LRRTM4: variants seen among roughly 807,000 people sequenced by gnomAD.
LRRTM4 encodes leucine-rich repeat transmembrane neuronal protein 4.
In LRRTM4, 25 loss-of-function variants were observed where a neutral mutation model predicts 47.6. The observed-to-expected ratio is 0.53, with a 90% CI of 0.38 to 0.73. The LOEUF (loss-of-function observed/expected upper bound fraction) is 0.73, where lower values mean the gene tolerates loss of function less well. Ranked by LOEUF, LRRTM4 falls within the 30% of genes least tolerant of loss-of-function variation. The pLI is 0.00. For synonymous variants in LRRTM4, 311 were observed against 269.5 expected (o/e 1.15, Z -1.51); for missense variants, 638 against 713.4 (o/e 0.89, Z 1.20).
At chr2:77,065,040 C>G (rs947230464) in intron 3 of LRRTM4, among the ~76,000 whole-genome samples, 1 of 152,014 alleles carries the variant, frequency 6.6e-6, no homozygotes, top group African/African-American at 2.4e-5. Context: ...TTTAACATAT[C>G]GATTCAACAC....
intron 3 of LRRTM4, among the ~76,000 whole-genome samples, chr2:77,016,065 A>C (rs1189290178): frequency 1.3e-5 from 2 of 151,544 alleles, no homozygotes; most frequent in East Asian, 3.9e-4. Context: ...TGGGTGACAG[A>C]ATGAGATTCT....
chr2:76,775,210 T>A (rs75958575), intron 3 of LRRTM4, among the ~76,000 whole-genome samples: 11,286 of 152,246 alleles, frequency 0.074, 778 homozygotes, highest in East Asian at 0.28. Flanking sequence ...GCTTTTGCAA[T>A]TTTTTCTGTA....
intron 3 of LRRTM4, among the ~76,000 whole-genome samples, chr2:76,849,766 A>G (rs1430426565): frequency 6.6e-6 from 1 of 152,178 alleles, no homozygotes. Context: ...TGTATTTTAT[A>G]ATTAAAGGTT....
At chr2:76,877,736 A>C (rs575209397) in intron 3 of LRRTM4, among the ~76,000 whole-genome samples, 1 of 152,308 alleles carries the variant, frequency 6.6e-6, no homozygotes, top group Admixed American at 6.5e-5. Context: ...AATAAAAAGG[A>C]AACAACTGAG....
At chr2:77,213,709 G>GTGGA (rs1176596338) in intron 3 of LRRTM4, among the ~76,000 whole-genome samples, 1 of 152,152 alleles carries the variant, frequency 6.6e-6, no homozygotes, top group Non-Finnish European at 1.5e-5. Context: ...AGAAGTCCAT[G>GTGGA]TGGAGCTAAT....
chr2:76,942,345 G>C (rs1675174329), intron 3 of LRRTM4, among the ~76,000 whole-genome samples: 1 of 152,028 alleles, frequency 6.6e-6, no homozygotes, highest in Non-Finnish European at 1.5e-5. Flanking sequence ...GGCTTTTGTT[G>C]CAATTGATTT....
At chr2:76,979,226 T>C (rs750719759) in intron 3 of LRRTM4, among the ~76,000 whole-genome samples, 9 of 152,012 alleles carry the variant, frequency 5.9e-5, no homozygotes, top group Non-Finnish European at 1.3e-4. Context: ...TTTCAGGTCA[T>C]TGGAATTCTG....
intron 3 of LRRTM4, among the ~76,000 whole-genome samples, chr2:76,782,171 T>C (rs116613490): frequency 1.3e-5 from 2 of 152,210 alleles, no homozygotes; most frequent in Non-Finnish European, 2.9e-5. Flanking sequence ...TAAAATGGTA[T>C]TTTGCAACAC....
chr2:76,816,819 G>GTTTTTTTTTTTTTTTT (rs201525166), intron 3 of LRRTM4, among the ~76,000 whole-genome samples: 26 of 96,564 alleles, frequency 2.7e-4, no homozygotes, highest in Non-Finnish European at 3.8e-4. Flanking sequence ...GAGGTAAAGA[G>GTTTTTTTTTTTTTTTT]TTTTTTTTTT....
chr2:77,322,811 G>A (rs1677833101), intron 3 of LRRTM4, among the ~76,000 whole-genome samples: 1 of 149,034 alleles, frequency 6.7e-6, no homozygotes, highest in Non-Finnish European at 1.5e-5. Flanking sequence ...GGGTTGGGAT[G>A]TTGGAACTAC....
intron 3 of LRRTM4, among the ~76,000 whole-genome samples, chr2:77,190,407 G>C (rs1032671364): frequency 1.4e-5 from 2 of 147,458 alleles, no homozygotes; most frequent in Non-Finnish European, 3.0e-5. Context: ...CAATTCTCTT[G>C]CCTCAGCCTC....
intron 3 of LRRTM4, among the ~76,000 whole-genome samples, chr2:77,438,309 A>G (rs1371114961): frequency 6.6e-6 from 1 of 151,580 alleles, no homozygotes; most frequent in Admixed American, 6.6e-5. Flanking sequence ...TTTGAAAATC[A>G]TATTTTGTGA....
chr2:77,324,077 C>T (rs1345931970), intron 3 of LRRTM4, among the ~76,000 whole-genome samples: 1 of 152,096 alleles, frequency 6.6e-6, no homozygotes, highest in Non-Finnish European at 1.5e-5. Flanking sequence ...ATCACCACTA[C>T]CTCCAAACAG....
chr2:77,252,531 C>A (rs559775957), intron 3 of LRRTM4, among the ~76,000 whole-genome samples: 13 of 116,876 alleles, frequency 1.1e-4, no homozygotes, highest in Admixed American at 5.6e-4. Flanking sequence ...GCCTCTGAAT[C>A]AGAAAAGAAA....
chr2:76,780,379 C>T (rs1674302915), intron 3 of LRRTM4, among the ~76,000 whole-genome samples: 1 of 152,168 alleles, frequency 6.6e-6, no homozygotes, highest in African/African-American at 2.4e-5. Context: ...TCCATTCTCC[C>T]CATCACTTTC....
intron 3 of LRRTM4, among the ~76,000 whole-genome samples, chr2:76,858,718 T>C (rs1195491985): frequency 1.3e-5 from 2 of 152,214 alleles, no homozygotes; most frequent in African/African-American, 4.8e-5. Flanking sequence ...AATTTTGAAT[T>C]ATAGGAAGAT....
intron 3 of LRRTM4, among the ~76,000 whole-genome samples, chr2:77,052,218 C>T (rs115827973): frequency 0.017 from 2,081 of 124,888 alleles, 59 homozygotes; most frequent in African/African-American, 0.062. Flanking sequence ...GGCTGGAGTA[C>T]AGTGCAGTGG....
At chr2:77,010,859 CTGAT>C (rs1194947918) in intron 3 of LRRTM4, among the ~76,000 whole-genome samples, 4 of 152,080 alleles carry the variant, frequency 2.6e-5, no homozygotes, top group African/African-American at 9.7e-5. Flanking sequence ...TGAGTTGAGA[CTGAT>C]TGTGGTTAGG....
rs138848964 is a variant in LRRTM4 at position 77,347,103 on chromosome 2, A to G, written c.1551+171215T>C. The stretch of plus-strand genomic sequence containing the variant: ...ATGTTTATTCCTCAATTCTCTCTCT[A>G]CTGTCTCTGATTTGATAACACTTAC... On this transcript the variant is annotated intron_variant, in intron 3 of 3. Coordinates refer to ENST00000409884, the MANE Select transcript of LRRTM4 (RefSeq NM_001134745.3). Among the ~76,000 whole-genome samples the G allele has an allele frequency of 8.6e-3, 1,316 of 152,174 alleles. 10 individuals are homozygous for G. Among genetic ancestry groups the G allele is most frequent in the Non-Finnish European group, 0.014 (978 of 67,996 alleles).
Sources: allele counts gnomAD v4.1 joint callset (sites outside exome capture counted in the v4.1 genomes callset), GRCh38; gene constraint gnomAD v4.1.1; transcripts MANE v1.5; gene names NCBI Gene and HGNC (gene_info 2026-07-23, HGNC 2026-07-21).